The following NAA15 variants were observed in gnomAD, a reference collection of about 807,000 sequenced individuals.
The protein encoded by NAA15 is N-alpha-acetyltransferase 15, NatA auxiliary subunit.
NAA15 carries 34 observed loss-of-function variants against 114.0 expected under a neutral mutation model. The ratio of observed to expected loss-of-function variants is 0.30; its 90% CI spans 0.23 to 0.40. The LOEUF (loss-of-function observed/expected upper bound fraction) is 0.40, where lower values mean the gene tolerates loss of function less well. NAA15 is among the 10% of genes least tolerant of loss of function. NAA15 has a pLI of 1.00. For synonymous variants in NAA15, 340 were observed against 338.0 expected (o/e 1.01, Z -0.06); for missense variants, 658 against 1,004.5 (o/e 0.66, Z 4.66).
At chr4:139,311,246 G>T (rs36117771) in intron 1 of NAA15, among the ~76,000 whole-genome samples, 44,010 of 151,734 alleles carry the variant, frequency 0.29, 7,391 homozygotes, top group African/African-American at 0.43. Flanking sequence ...AAAATGTAGG[G>T]TTTATGAAGA....
At chr4:139,385,118 C>A in intron 18 of NAA15, 140 bp downstream of exon 18, 1 of 651,706 alleles carries the variant, frequency 1.5e-6, no homozygotes, top group Non-Finnish European at 2.2e-6. Flanking sequence ...AAACAGGCAG[C>A]TTAAATAAGC....
rs1747768118 is a variant in NAA15 at position 139,351,222 on chromosome 4, G to A, written c.843G>A (p.Glu281=). The A allele has an allele frequency of 6.2e-7, 1 of 1,602,924 alleles. No individual in the cohort carries two copies. Among genetic ancestry groups the A allele is most frequent in the African/African-American group, 1.3e-5 (1 of 74,734 alleles). Residue 281 remains glutamate, a synonymous_variant, in exon 8 of 20, where the codon GAG becomes GAA. Transcript: ENST00000296543. ...ANMLERLKIY[E]EAWTKYPRGL... ...TGTTAGAACGGCTAAAAATTTATGA[G>A]GAAGCCTGGACTAAATATCCCAGGG... is the stretch of plus-strand genomic sequence containing the variant.
At chr4:139,361,190 A>G (rs943239181) in intron 13 of NAA15, among the ~76,000 whole-genome samples, 1 of 152,144 alleles carries the variant, frequency 6.6e-6, no homozygotes, top group Non-Finnish European at 1.5e-5. Flanking sequence ...AATATTGTCA[A>G]GTATAGAATA....
At chr4:139,303,628 C>T (rs1276969186) in intron 1 of NAA15, among the ~76,000 whole-genome samples, 2 of 152,110 alleles carry the variant, frequency 1.3e-5, no homozygotes, top group African/African-American at 2.4e-5. Context: ...GAAATCCTGT[C>T]TCTACTGAAA....
At chr4:139,310,880 A>G (rs1450423462) in intron 1 of NAA15, among the ~76,000 whole-genome samples, 1 of 151,722 alleles carries the variant, frequency 6.6e-6, no homozygotes, top group Non-Finnish European at 1.5e-5. Flanking sequence ...CGGCCTCCCA[A>G]AATGCTGGAA....
chr4:139,377,628 C>T (rs1748627464), intron 16 of NAA15, among the ~76,000 whole-genome samples: 1 of 151,814 alleles, frequency 6.6e-6, no homozygotes, highest in Non-Finnish European at 1.5e-5. Flanking sequence ...ACAGAACTAC[C>T]TATAAATTGA....
chr4:139,341,128 G>T, intron 4 of NAA15, 59 bp downstream of exon 4: 1 of 1,202,116 alleles, frequency 8.3e-7, no homozygotes, highest in Non-Finnish European at 1.1e-6. Context: ...ACAACTTTGA[G>T]TACTTTCAGA....
At chr4:139,338,926 T>A (rs1055450420) in intron 3 of NAA15, among the ~76,000 whole-genome samples, 2 of 152,174 alleles carry the variant, frequency 1.3e-5, no homozygotes, top group Non-Finnish European at 2.9e-5. Flanking sequence ...TACTCCTGTC[T>A]CAGCCTCCCG....
intron 3 of NAA15, among the ~76,000 whole-genome samples, chr4:139,340,173 A>G (rs1747334691): frequency 6.6e-6 from 1 of 152,054 alleles, no homozygotes; most frequent in African/African-American, 2.4e-5. Flanking sequence ...AATAGAAAAA[A>G]ATAGCTGGCA....
chr4:139,375,847 T>C (rs1748566323), intron 15 of NAA15, among the ~76,000 whole-genome samples: 1 of 149,206 alleles, frequency 6.7e-6, no homozygotes, highest in South Asian at 2.1e-4. Context: ...ATTAATATTT[T>C]AAAATGCCAC....
intron 17 of NAA15, among the ~76,000 whole-genome samples, chr4:139,381,190 G>A (rs1748744815): frequency 6.6e-6 from 1 of 152,062 alleles, no homozygotes; most frequent in Non-Finnish European, 1.5e-5. Context: ...CCATATAGGA[G>A]CACTGTCTTT....
At chr4:139,304,193 C>T (rs1245454488) in intron 1 of NAA15, among the ~76,000 whole-genome samples, 1 of 152,260 alleles carries the variant, frequency 6.6e-6, no homozygotes, top group African/African-American at 2.4e-5. Flanking sequence ...GCTGCTATTA[C>T]AGGCGTCAGC....
chr4:139,334,764 G>A (rs1443141461), intron 2 of NAA15, among the ~76,000 whole-genome samples: 1 of 152,100 alleles, frequency 6.6e-6, no homozygotes, highest in African/African-American at 2.4e-5. Context: ...GAGAGTGTGT[G>A]GCTAAACTTG....
chr4:139,361,666 A>G (rs1748135593), intron 13 of NAA15, 58 bp from the exon 14 acceptor site: 2 of 1,070,740 alleles, frequency 1.9e-6, no homozygotes, highest in Non-Finnish European at 2.6e-6. Context: ...CTTTGATTTT[A>G]TAGTTTTCTT....
intron 1 of NAA15, among the ~76,000 whole-genome samples, chr4:139,331,617 ATT>A (rs34467609): frequency 1.2e-4 from 15 of 127,816 alleles, no homozygotes; most frequent in Admixed American, 4.1e-4. Context: ...TGCCCGGCTA[ATT>A]TTTTTTTTTT....
intron 3 of NAA15, among the ~76,000 whole-genome samples, chr4:139,337,508 A>T (rs958684337): frequency 6.6e-6 from 1 of 152,178 alleles, no homozygotes; most frequent in Non-Finnish European, 1.5e-5. Flanking sequence ...TGGTTTAAAG[A>T]CTTAATGATG....
intron 1 of NAA15, among the ~76,000 whole-genome samples, chr4:139,327,149 C>T (rs1449148657): frequency 1.3e-5 from 2 of 152,106 alleles, no homozygotes; most frequent in South Asian, 2.1e-4. Flanking sequence ...GTTATGCAGG[C>T]TGGTCTTGAA....
chr4:139,361,960 T>A (rs777663174), intron 14 of NAA15, 23 bp downstream of exon 14: 1 of 1,516,130 alleles, frequency 6.6e-7, no homozygotes, highest in Non-Finnish European at 9.1e-7. Context: ...GAGTTCTTCT[T>A]GTGCTCTGAT....
chr4:139,316,852 C>G (rs1746425563), intron 1 of NAA15, among the ~76,000 whole-genome samples: 1 of 151,486 alleles, frequency 6.6e-6, no homozygotes, highest in African/African-American at 2.4e-5. Context: ...CCCCCACCCC[C>G]CGCCATAGTT....
Sources: allele counts gnomAD v4.1 joint callset (sites outside exome capture counted in the v4.1 genomes callset), GRCh38; gene constraint gnomAD v4.1.1; transcripts MANE v1.5; gene names NCBI Gene and HGNC (gene_info 2026-07-23, HGNC 2026-07-21).